The following OTC variants were observed in gnomAD, a reference collection of about 807,000 sequenced individuals.
The protein encoded by OTC is ornithine transcarbamylase, also known as ornithine transcarbamylase, mitochondrial.
OTC carries 3 observed loss-of-function variants against 30.3 expected under a neutral mutation model. That is an observed-to-expected ratio of 0.10 (90% CI 0.05 to 0.26). The LOEUF is 0.26. Among genes scored for constraint, OTC ranks in the 10% least tolerant of loss-of-function variants. The pLI is 1.00. For missense variants in OTC, 194 were observed against 260.3 expected (o/e 0.75, Z 1.75); for synonymous variants, 111 against 99.7 (o/e 1.11, Z -0.67).
intron 1 of OTC, among the ~76,000 whole-genome samples, chrX:38,356,753 G>A (rs1051109501): frequency 9.0e-6 from 1 of 111,125 alleles, no homozygotes; most frequent in Non-Finnish European, 1.9e-5. Flanking sequence ...TGAACGTGGG[G>A]TTTCGCTGGG....
intron 6 of OTC, 85 bp from the exon 7 acceptor site, chrX:38,408,657 C>G: frequency 1.6e-6 from 1 of 619,360 alleles, no homozygotes; most frequent in Non-Finnish European, 2.6e-6. Context: ...GAAGGAGACG[C>G]GATATTGAAA....
At chrX:38,399,338 G>A (rs1027991766) in intron 4 of OTC, among the ~76,000 whole-genome samples, 1 of 111,026 alleles carries the variant, frequency 9.0e-6, no homozygotes, top group African/African-American at 3.3e-5. Context: ...TTGGCAGCAC[G>A]TTACAATATA....
the OTC span, among the ~76,000 whole-genome samples, chrX:38,338,014 A>G: frequency 8.9e-6 from 1 of 112,015 alleles, no homozygotes; most frequent in Admixed American, 9.5e-5. Context: ...AGATTTAATG[A>G]GAATTAAGGG....
rs200519696 is a variant in OTC at position 38,396,119 on chromosome X, A to ATT, written c.387-5143_387-5142dup. Among the ~76,000 whole-genome samples the ATT allele has an allele frequency of 3.2e-3, 312 of 97,562 alleles. 1 individual carries two copies. Among genetic ancestry groups the ATT allele is most frequent in the African/African-American group, 9.6e-3 (259 of 26,900 alleles). 84.7% of individuals were successfully genotyped at this position (97,562 alleles called of 115,157 possible). Reference sequence around the variant, plus strand: ...AGGCACATGCCACCACGCCCGGCTAATTTTTTTTTTTTTTGTATTTTTAGT... The same window carrying ATT: ...AGGCACATGCCACCACGCCCGGCTAATTTTTTTTTTTTTTTTGTATTTTTAGT... On this transcript the variant is annotated intron_variant, in intron 4 of 9. Transcript: ENST00000039007.
chrX:38,418,294 T>C (rs1442092050), intron 9 of OTC, among the ~76,000 whole-genome samples: 1 of 112,086 alleles, frequency 8.9e-6, no homozygotes, highest in Non-Finnish European at 1.9e-5. Context: ...TTTGGAAAAA[T>C]GCCTGTTCAG....
chrX:38,367,454 T>G, intron 2 of OTC, 25 bp downstream of exon 2: 1 of 1,174,037 alleles, frequency 8.5e-7, no homozygotes, highest in South Asian at 1.8e-5. Context: ...CTTTTTACGT[T>G]CCATTACTAC....
chrX:38,414,671 T>C (rs1444022017), intron 9 of OTC, among the ~76,000 whole-genome samples: 6 of 111,932 alleles, frequency 5.4e-5, no homozygotes, highest in Non-Finnish European at 9.4e-5. Flanking sequence ...AAATGAGTTT[T>C]AATTCTTAGA....
At chrX:38,388,344 C>G (rs2068414017) in intron 4 of OTC, among the ~76,000 whole-genome samples, 1 of 111,522 alleles carries the variant, frequency 9.0e-6, no homozygotes, top group African/African-American at 3.3e-5. Context: ...ACAAAACATA[C>G]ACATAGATAT....
Position 38,421,135 on chromosome X carries a change from T to C in OTC, c.*53T>C, listed in dbSNP as rs2068593309. The C allele has an allele frequency of 8.1e-6, 7 of 860,842 alleles. No individual in the cohort carries two copies. Among genetic ancestry groups the C allele is most frequent in the African/African-American group, 4.0e-5 (2 of 50,331 alleles). 70.9% of individuals were successfully genotyped at this position (860,842 alleles called of 1,213,427 possible). On this transcript the variant is annotated 3_prime_UTR_variant, in exon 10 of 10. Transcript: ENST00000039007. ...AATGTTCTTCAGTAACAGAATGAGT[T>C]GGTTTATGGGGAAAAGAGAAGAGAA...
chrX:38,341,233 T>C, the OTC span, among the ~76,000 whole-genome samples: 12 of 112,378 alleles, frequency 1.1e-4, no homozygotes, highest in Non-Finnish European at 1.7e-4. Context: ...TTATTCTCTC[T>C]GTCTAGTTTC....
At position 38,421,249 on chromosome X, in the gene OTC, T is replaced by G. The variant is rs756208815; in HGVS notation, c.*167T>G. Reference sequence around the variant, plus strand: ...GTGAAACTTTCCTTAAGCCTTTAATTTAAGTGCTGATGCACTGTAATACGT... The same window carrying G: ...GTGAAACTTTCCTTAAGCCTTTAATGTAAGTGCTGATGCACTGTAATACGT... On this transcript the variant is annotated 3_prime_UTR_variant, in exon 10 of 10. Transcript: ENST00000039007. The G allele has an allele frequency of 2.4e-5, 11 of 461,426 alleles. No homozygotes were observed. Among genetic ancestry groups the G allele is most frequent in the Middle Eastern group, 5.0e-4 (1 of 2,009 alleles). 38.0% of individuals were successfully genotyped at this position (461,426 alleles called of 1,213,427 possible).
At chrX:38,387,151 A>T (rs2068407856) in intron 4 of OTC, among the ~76,000 whole-genome samples, 1 of 110,903 alleles carries the variant, frequency 9.0e-6, no homozygotes. Context: ...TTTGACTTTT[A>T]TTTTTTTGCT....
At chrX:38,392,639 AATTGTCTAGTTAAGTGTCTTT>A (rs1159847813) in intron 4 of OTC, among the ~76,000 whole-genome samples, 2 of 112,339 alleles carry the variant, frequency 1.8e-5, no homozygotes, top group African/African-American at 6.5e-5. Context: ...AATATGAACT[AATTGTCTAGTTAAGTGTCTTT>A]AATATCTTTG....
chrX:38,344,368 C>A, the OTC span, among the ~76,000 whole-genome samples: 2 of 110,655 alleles, frequency 1.8e-5, no homozygotes, highest in African/African-American at 6.6e-5. Flanking sequence ...CCACACAGGT[C>A]CAAGCCGCAA....
intron 5 of OTC, among the ~76,000 whole-genome samples, chrX:38,403,142 A>G (rs1013112422): frequency 8.1e-5 from 9 of 111,620 alleles, no homozygotes; most frequent in African/African-American, 2.3e-4. Context: ...ATCTTTGTCA[A>G]CTTCGTATAA....
intron 4 of OTC, among the ~76,000 whole-genome samples, chrX:38,389,584 T>C (rs2068420952): frequency 9.0e-6 from 1 of 111,700 alleles, no homozygotes. Context: ...CTTCCATGAA[T>C]CTTTACAGAG....
intron 3 of OTC, among the ~76,000 whole-genome samples, chrX:38,370,572 C>T (rs1426771043): frequency 9.0e-5 from 10 of 111,344 alleles, no homozygotes; most frequent in Non-Finnish European, 3.8e-5. Flanking sequence ...AACCTCCAAC[C>T]GGCCTGAACA....
intron 4 of OTC, among the ~76,000 whole-genome samples, chrX:38,400,270 T>C (rs2068478720): frequency 1.8e-5 from 2 of 110,995 alleles, no homozygotes; most frequent in African/African-American, 6.6e-5. Context: ...CCATTAAAAA[T>C]TAGAAAAAAT....
intron 4 of OTC, among the ~76,000 whole-genome samples, chrX:38,387,150 TA>T (rs755876175): frequency 1.7e-4 from 19 of 112,196 alleles, no homozygotes; most frequent in African/African-American, 5.8e-4. Context: ...TTTTGACTTT[TA>T]TTTTTTTGCT....
Sources: gnomAD v4.1 joint callset for allele counts (sites outside exome capture counted in the v4.1 genomes callset) on GRCh38, gnomAD v4.1.1 for gene constraint, MANE v1.5 for transcripts, NCBI Gene and HGNC (gene_info 2026-07-23, HGNC 2026-07-21) for gene names.